The following PCDH20 variants were observed in gnomAD, a reference collection of about 807,000 sequenced individuals.
PCDH20 encodes protocadherin-20.
A neutral mutation model predicts 39.7 loss-of-function variants in PCDH20; 18 were observed. The observed-to-expected ratio is 0.45, with a 90% confidence interval of 0.31 to 0.67. PCDH20 has a LOEUF of 0.67. PCDH20 is among the 30% of genes least tolerant of loss of function. The probability of loss-of-function intolerance (pLI) is 0.05; values close to 1 mark genes in which losing one functional copy is unlikely to be tolerated. For synonymous variants in PCDH20, 495 were observed against 455.4 expected, an observed-to-expected ratio of 1.09 and a Z score of -1.11; for missense variants, 1,161 against 1,167.4, an observed-to-expected ratio of 0.99 and a Z score of 0.08.
chr13:61,412,078 A>G, exon 2 of PCDH20: 1 of 1,614,056 alleles, frequency 6.2e-7, no homozygotes, highest in South Asian at 1.1e-5. Flanking sequence ...AGAGAGGGCG[A>G]CCCATCCATT....
chr13:61,414,937 G>A, intron 1 of PCDH20, 90 bp downstream of exon 1: 1 of 1,277,332 alleles, frequency 7.8e-7, no homozygotes, highest in South Asian at 2.5e-5. Context: ...TTAGATAAAG[G>A]TAGAAGGTTT....
At chr13:61,414,061 T>C in intron 1 of PCDH20, 95 bp from the exon 2 acceptor site, 1 of 1,153,844 alleles carries the variant, frequency 8.7e-7, no homozygotes, top group Non-Finnish European at 1.2e-6. Context: ...GCTGTCCCCA[T>C]CCCCGTTCCC....
exon 1 of PCDH20, chr13:61,415,219 C>T: frequency 2.3e-6 from 3 of 1,300,016 alleles, no homozygotes; most frequent in South Asian, 2.2e-5. Context: ...CACTCCCTCT[C>T]GGTTCATGCA....
exon 2 of PCDH20, chr13:61,413,629 C>T (rs761861612): frequency 6.2e-7 from 1 of 1,614,198 alleles, no homozygotes; most frequent in Admixed American, 1.7e-5. Context: ...AGTCCCTCCA[C>T]CCCCTTCAAC....
In PCDH20 at chr13:61,413,339, C is replaced by G. The variant is rs748165037; in HGVS notation, c.760G>C (p.Gly254Arg). The change falls in exon 2 of 2, where the codon GGT becomes CGT. Residue 254 changes from glycine to arginine, a missense_variant. Gly to Arg is a moderately radical substitution (Grantham distance 125). Coordinates refer to ENST00000409204, the Ensembl canonical transcript of PCDH20. ...TCCTCCACGTCCAGGGTGAACATAC[C>G]ATGGTAGTCCAGTAAGCGATAGGTC... The G allele has an allele frequency of 1.2e-6, 2 of 1,614,082 alleles. No homozygotes were observed. Among genetic ancestry groups the G allele is most frequent in the East Asian group, 2.2e-5 (1 of 44,848 alleles).
exon 2 of PCDH20, chr13:61,411,651 C>T: frequency 6.2e-7 from 1 of 1,614,174 alleles, no homozygotes; most frequent in Non-Finnish European, 8.5e-7. Context: ...AGCGATGGAG[C>T]CCATAATCTG....
exon 1 of PCDH20, chr13:61,415,113 T>C: frequency 6.4e-7 from 1 of 1,552,458 alleles, no homozygotes; most frequent in Non-Finnish European, 8.7e-7. Flanking sequence ...GGGCACCAGC[T>C]CACTCCCAGG....
exon 2 of PCDH20, chr13:61,411,244 C>G: frequency 6.2e-7 from 1 of 1,604,204 alleles, no homozygotes; most frequent in Non-Finnish European, 8.5e-7. Flanking sequence ...CATGAAATAT[C>G]AAATATTAGA....
At chr13:61,414,001 A>T in intron 1 of PCDH20, 35 bp from the exon 2 acceptor site, 1 of 1,545,798 alleles carries the variant, frequency 6.5e-7, no homozygotes, top group Non-Finnish European at 8.8e-7. Flanking sequence ...CTCATTACAC[A>T]CACGGGGAAA....
rs770029803 is a variant in PCDH20, at chr13:61,412,232, C to T, written c.1867G>A (p.Ala623Thr). Residue 623 changes from alanine (A) to threonine (T), a missense_variant, in exon 2 of 2, where the codon GCC becomes ACC. Ala to Thr is a moderately conservative substitution (Grantham distance 58, BLOSUM62 0). Around this residue, in one of 3 missense-constraint regions of PCDH20, gnomAD observed 754 missense variants for 777.5 expected, o/e 0.97. Coordinates refer to ENST00000409204, the Ensembl canonical transcript of PCDH20. ...TCCAACACTGTGAGGGCCACAGTGG[C>T]TACTGATTCTCTGGGTGGCTTCCCA... 1.9e-6 allele frequency: 3 copies of T among 1,614,000 alleles called. No individual in the cohort carries two copies. The African/African-American group carries it at 4.0e-5, about 22-fold the overall frequency.
At chr13:61,411,612 A>G (rs1333714664) in exon 2 of PCDH20, 4 of 1,614,150 alleles carry the variant, frequency 2.5e-6, no homozygotes, top group Non-Finnish European at 3.4e-6. Context: ...GAGGCTCGGG[A>G]TAACCATGAT....
At chr13:61,415,426 G>A (rs915811985) in exon 1 of PCDH20, 21 of 340,502 alleles carry the variant, frequency 6.2e-5, no homozygotes, top group Admixed American at 2.9e-4. Context: ...GCTCGGGGTT[G>A]GGCACAGTAG....
exon 2 of PCDH20, chr13:61,411,576 T>C (rs1174955624): frequency 1.2e-6 from 2 of 1,614,038 alleles, no homozygotes; most frequent in Admixed American, 1.7e-5. Context: ...CATTGACAAA[T>C]AGGTTCACCA....
exon 1 of PCDH20, chr13:61,415,148 C>T (rs1211293300): frequency 6.9e-7 from 1 of 1,456,118 alleles, no homozygotes; most frequent in Non-Finnish European, 9.1e-7. Context: ...CGCATTCCCT[C>T]GGCCGCGCAT....
At chr13:61,411,649 A>C (rs1200726626) in exon 2 of PCDH20, 2 of 1,614,234 alleles carry the variant, frequency 1.2e-6, no homozygotes, top group Non-Finnish European at 1.7e-6. Flanking sequence ...TAAGCGATGG[A>C]GCCCATAATC....
At position 61,413,407 on chromosome 13, in the gene PCDH20, T is replaced by C; in HGVS notation, c.692A>G (p.Glu231Gly). Reference sequence around the variant, plus strand: ...TACATCTGGGTCCACAGCAGGATGCTCTATGGCCAGTCGGGTGTTTACAGG... The same window carrying C: ...TACATCTGGGTCCACAGCAGGATGCCCTATGGCCAGTCGGGTGTTTACAGG... The change falls in exon 2 of 2, where the codon GAG becomes GGG. Residue 231 changes from glutamate (E) to glycine (G), a missense_variant. Transcript: ENST00000409204. 3 of 1,613,882 alleles carry C rather than the reference T, an allele frequency of 1.9e-6. No homozygotes were observed. The South Asian group carries it at 3.3e-5, about 18-fold the overall frequency.
At chr13:61,412,086 A>G (rs1380427930) in exon 2 of PCDH20, 2 of 1,614,120 alleles carry the variant, frequency 1.2e-6, no homozygotes, top group Non-Finnish European at 1.7e-6. Context: ...CGACCCATCC[A>G]TTTCGTCCAG....
exon 2 of PCDH20, chr13:61,411,298 C>A (rs1343951005): frequency 6.8e-6 from 11 of 1,613,572 alleles, no homozygotes; most frequent in Non-Finnish European, 8.5e-6. Flanking sequence ...GTCAATTTTT[C>A]CTTTCAGTGG....
chr13:61,411,068 C>A, exon 2 of PCDH20: 3 of 525,242 alleles, frequency 5.7e-6, no homozygotes, highest in South Asian at 2.7e-5. Flanking sequence ...AAATGCTGTA[C>A]ACATTTTATA....
Sources: gnomAD v4.1 joint callset for allele counts on GRCh38, gnomAD v4.1.1 for gene constraint, gnomAD v4.1.1 regional missense constraint, MANE v1.5 for transcripts, NCBI Gene and HGNC (gene_info 2026-07-23, HGNC 2026-07-21) for gene names.